The following CFAP299 variants were observed in gnomAD, a reference collection of about 807,000 sequenced individuals.
CFAP299 encodes cilia- and flagella-associated protein 299.
In CFAP299, 21 loss-of-function variants were observed where a neutral mutation model predicts 27.0. That is an observed-to-expected ratio of 0.78 (90% CI 0.55 to 1.12). CFAP299 has a LOEUF of 1.12. CFAP299 is among the 50% of genes most tolerant of loss of function. The pLI is 0.00. For missense variants in CFAP299, 310 were observed against 276.6 expected (o/e 1.12, Z -0.86); for synonymous variants, 104 against 98.1 (o/e 1.06, Z -0.36).
chr4:80,386,334 A>G lies in CFAP299; in HGVS notation c.242+23450A>G, dbSNP rs893226411. On this transcript the variant is annotated intron_variant, in intron 2 of 5. Coordinates refer to ENST00000358105, the MANE Select transcript of CFAP299 (RefSeq NM_152770.3). ...TGTGCCCACCGCACCACCCACGACG[A>G]TGGAAAGCTCCGCGTTCAGCTCTGC... 18 of 1,373,974 alleles carry G rather than the reference A, an allele frequency of 1.3e-5. No individual in the cohort carries two copies. In the African/African-American group the frequency reaches 1.8e-4, roughly 14 times the overall value. The allele number at this position is 1,373,974 out of a possible 1,614,324, so 85.1% of individuals were successfully genotyped here. A position where few individuals can be genotyped will look rare whatever the true frequency, so the allele number is the denominator to read the frequency against.
intron 2 of CFAP299, among the ~76,000 whole-genome samples, chr4:80,436,441 G>A (rs192962745): frequency 6.6e-6 from 1 of 151,872 alleles, no homozygotes; most frequent in Non-Finnish European, 1.5e-5. Context: ...TGGGACTACC[G>A]GCACCCATCA....
At chr4:80,321,938 G>A in the CFAP299 span, among the ~76,000 whole-genome samples, 11 of 152,098 alleles carry the variant, frequency 7.2e-5, no homozygotes, top group African/African-American at 2.4e-4. Flanking sequence ...CCCTTTGGCC[G>A]TGGAAAGTAC....
rs56729877 is a variant in CFAP299, at chr4:80,504,462, C to CATATATATATATATAT, written c.243-78602_243-78587dup. On this transcript the variant is annotated intron_variant, in intron 2 of 5. Transcript: ENST00000358105. ...TACTGAAATTTTGCTTAAAATCTCA[C>CATATATATATATATAT]ATATATATATATATATATATATATA... is the stretch of plus-strand genomic sequence containing the variant. Among the ~76,000 whole-genome samples, 10 of 37,776 alleles carry CATATATATATATATAT rather than the reference C, an allele frequency of 2.6e-4. 1 individual carries two copies. Among genetic ancestry groups the CATATATATATATATAT allele is most frequent in the African/African-American group, 3.5e-4 (4 of 11,488 alleles). 24.8% of individuals were successfully genotyped at this position (37,776 alleles called of 152,430 possible).
intron 2 of CFAP299, among the ~76,000 whole-genome samples, chr4:80,516,950 TC>T (rs1286541614): frequency 6.6e-6 from 1 of 152,158 alleles, no homozygotes; most frequent in Non-Finnish European, 1.5e-5. Flanking sequence ...AGGGCAGCGA[TC>T]TTTTTATTTT....
chr4:80,851,649 A>G lies in CFAP299; in HGVS notation c.334-18344A>G, dbSNP rs547686329. Among the ~76,000 whole-genome samples the G allele has an allele frequency of 2.8e-4, 43 of 152,276 alleles. 1 individual carries two copies. The highest frequency in any genetic ancestry group is 9.9e-4 in the African/African-American group (41 of 41,570). ...GACTTGAGAAAGACCCAATCAAAGCATCAAAACAATTGGAAAAATCAAGTA... is the reference window on the plus strand; with the variant it reads ...GACTTGAGAAAGACCCAATCAAAGCGTCAAAACAATTGGAAAAATCAAGTA... On this transcript the variant is annotated intron_variant, in intron 3 of 5. Transcript: ENST00000358105.
At chr4:80,419,339 C>T (rs1727173877) in intron 2 of CFAP299, among the ~76,000 whole-genome samples, 2 of 152,198 alleles carry the variant, frequency 1.3e-5, no homozygotes. Context: ...GCGCAGTGGC[C>T]TGCTAGTGCT....
At chr4:80,751,671 A>G (rs1206408887) in intron 3 of CFAP299, among the ~76,000 whole-genome samples, 1 of 152,170 alleles carries the variant, frequency 6.6e-6, no homozygotes, top group African/African-American at 2.4e-5. Context: ...GACCATTTGT[A>G]TTTGCCAAAG....
At chr4:80,337,227 TAGA>T (rs1418245544) in intron 1 of CFAP299, among the ~76,000 whole-genome samples, 1 of 152,206 alleles carries the variant, frequency 6.6e-6, no homozygotes, top group Non-Finnish European at 1.5e-5. Context: ...AACATCTTGA[TAGA>T]CTAAAATCAT....
At chr4:80,422,622 A>C (rs1727341528) in intron 2 of CFAP299, among the ~76,000 whole-genome samples, 1 of 152,184 alleles carries the variant, frequency 6.6e-6, no homozygotes. Context: ...ACTGTGAGTA[A>C]GTATATACTC....
intron 4 of CFAP299, among the ~76,000 whole-genome samples, chr4:80,937,301 T>G (rs1736944586): frequency 7.1e-6 from 1 of 140,034 alleles, no homozygotes; most frequent in South Asian, 2.3e-4. Flanking sequence ...CTTTTTTCTT[T>G]TTTTTTCTTT....
chr4:80,471,467 G>C (rs1309317516), intron 2 of CFAP299, among the ~76,000 whole-genome samples: 1 of 150,620 alleles, frequency 6.6e-6, no homozygotes, highest in African/African-American at 2.5e-5. Context: ...AGATCTGGCG[G>C]CATTAATTTC....
chr4:80,801,597 C>G (rs1459671238), intron 3 of CFAP299, among the ~76,000 whole-genome samples: 1 of 139,690 alleles, frequency 7.2e-6, no homozygotes, highest in Non-Finnish European at 1.5e-5. Flanking sequence ...TCAGAATATT[C>G]TGCTTCTTCT....
At chr4:80,489,861 T>C (rs1035384269) in intron 2 of CFAP299, among the ~76,000 whole-genome samples, 2 of 152,218 alleles carry the variant, frequency 1.3e-5, no homozygotes, top group African/African-American at 4.8e-5. Flanking sequence ...CCATGGCCAT[T>C]GAAGTAACTT....
At chr4:80,737,986 C>T (rs1272369699) in intron 3 of CFAP299, among the ~76,000 whole-genome samples, 3 of 151,992 alleles carry the variant, frequency 2.0e-5, no homozygotes, top group African/African-American at 7.2e-5. Context: ...TTTATTGACT[C>T]TTTAGTCATT....
At chr4:80,604,713 T>G (rs1465145344) in intron 3 of CFAP299, among the ~76,000 whole-genome samples, 1 of 152,094 alleles carries the variant, frequency 6.6e-6, no homozygotes, top group African/African-American at 2.4e-5. Flanking sequence ...TGGATAGAAC[T>G]GGCAACTGGA....
At chr4:80,876,909 A>G (rs1466875053) in intron 4 of CFAP299, among the ~76,000 whole-genome samples, 1 of 152,158 alleles carries the variant, frequency 6.6e-6, no homozygotes, top group East Asian at 1.9e-4. Flanking sequence ...TAAGACTAGG[A>G]AATTTTGGCC....
intron 2 of CFAP299, among the ~76,000 whole-genome samples, chr4:80,418,845 A>G (rs1260245656): frequency 6.6e-6 from 1 of 152,206 alleles, no homozygotes; most frequent in African/African-American, 2.4e-5. Flanking sequence ...TTAAGGCTGA[A>G]TAGTATTCCA....
intron 4 of CFAP299, among the ~76,000 whole-genome samples, chr4:80,928,250 A>G (rs533587042): frequency 6.6e-6 from 1 of 152,236 alleles, no homozygotes; most frequent in South Asian, 2.1e-4. Context: ...CACCACAGGC[A>G]CAGCCACAGT....
At chr4:80,848,061 AT>A (rs1239490384) in intron 3 of CFAP299, among the ~76,000 whole-genome samples, 1 of 151,884 alleles carries the variant, frequency 6.6e-6, no homozygotes. Flanking sequence ...AAATACAAAA[AT>A]TAGCTGAGTG....
Sources: allele counts gnomAD v4.1 joint callset (sites outside exome capture counted in the v4.1 genomes callset), GRCh38; gene constraint gnomAD v4.1.1; transcripts MANE v1.5; gene names NCBI Gene and HGNC (gene_info 2026-07-23, HGNC 2026-07-21).